Variants in TBL1X observed in about 807,000 individuals in gnomAD.
TBL1X encodes transducin beta like 1 X-linked.
TBL1X carries 10 observed loss-of-function variants against 50.7 expected under a neutral mutation model. The ratio of observed to expected loss-of-function variants is 0.20; its 90% CI spans 0.12 to 0.33. The LOEUF (loss-of-function observed/expected upper bound fraction) is 0.33, where lower values mean the gene tolerates loss of function less well. TBL1X is among the 10% of genes least tolerant of loss of function. The pLI, the probability that TBL1X is intolerant of heterozygous loss-of-function variation, is 1.00. For missense variants in TBL1X, 340 were observed against 504.4 expected (o/e 0.67, Z 3.12); for synonymous variants, 190 against 214.7 (o/e 0.88, Z 1.01).
At chrX:9,657,774 C>T (rs1383554635) in intron 5 of TBL1X, among the ~76,000 whole-genome samples, 1 of 112,532 alleles carries the variant, frequency 8.9e-6, no homozygotes, top group Non-Finnish European at 1.9e-5. Context: ...AGACTCATGG[C>T]AGTCTGAAAG....
chrX:9,609,708 C>T (rs1488485110), intron 2 of TBL1X, among the ~76,000 whole-genome samples: 5 of 110,565 alleles, frequency 4.5e-5, no homozygotes, highest in African/African-American at 1.3e-4. Context: ...TGAGGAGGGA[C>T]GGGGGTAAGT....
intron 2 of TBL1X, among the ~76,000 whole-genome samples, chrX:9,532,761 C>G (rs947068181): frequency 9.0e-6 from 1 of 111,243 alleles, no homozygotes; most frequent in African/African-American, 3.3e-5. Flanking sequence ...TGTCTGTGTC[C>G]CCTCATCTCT....
At chrX:9,711,171 G>A (rs182440854) in intron 15 of TBL1X, among the ~76,000 whole-genome samples, 72 of 108,682 alleles carry the variant, frequency 6.6e-4, no homozygotes, top group African/African-American at 2.1e-3. Context: ...GTGAAACCCC[G>A]TCTCTACAAA....
At chrX:9,464,241 T>C (rs1664027285), upstream of TBL1X, among the ~76,000 whole-genome samples, 2 of 110,622 alleles carry the variant, frequency 1.8e-5, no homozygotes, top group Admixed American at 1.9e-4. Flanking sequence ...CATTGCAACA[T>C]AAAGCACTTT....
chrX:9,555,436 A>G (rs2082292121), intron 2 of TBL1X, among the ~76,000 whole-genome samples: 1 of 111,450 alleles, frequency 9.0e-6, no homozygotes, highest in African/African-American at 3.3e-5. Context: ...TTTTAGATTG[A>G]TTCATCAGTT....
intron 2 of TBL1X, among the ~76,000 whole-genome samples, chrX:9,626,455 C>G (rs919713205): frequency 8.9e-6 from 1 of 112,326 alleles, no homozygotes; most frequent in African/African-American, 3.2e-5. Flanking sequence ...GGCTGACACT[C>G]CATGCAGTGT....
chrX:9,578,570 C>T (rs978481761), intron 2 of TBL1X, among the ~76,000 whole-genome samples: 3 of 111,703 alleles, frequency 2.7e-5, no homozygotes, highest in Non-Finnish European at 5.6e-5. Flanking sequence ...CTGTCGACGG[C>T]GCTAAGTAGA....
intron 3 of TBL1X, among the ~76,000 whole-genome samples, chrX:9,647,665 G>C (rs750702939): frequency 8.9e-5 from 10 of 112,107 alleles, no homozygotes; most frequent in Non-Finnish European, 1.7e-4. Flanking sequence ...CGGGAAACCG[G>C]TTAGGTGTTA....
chrX:9,687,637 C>T (rs1048892644), intron 6 of TBL1X, among the ~76,000 whole-genome samples: 2 of 110,154 alleles, frequency 1.8e-5, no homozygotes, highest in African/African-American at 6.6e-5. Context: ...AAAAAAGTCT[C>T]CAGACGTTGC....
intron 2 of TBL1X, among the ~76,000 whole-genome samples, chrX:9,598,241 C>T (rs1230590094): frequency 9.0e-6 from 1 of 111,694 alleles, no homozygotes; most frequent in Non-Finnish European, 1.9e-5. Flanking sequence ...AGCCAATCAG[C>T]TTGTGGTACT....
intron 2 of TBL1X, among the ~76,000 whole-genome samples, chrX:9,555,249 T>A (rs2082290672): frequency 9.0e-6 from 1 of 110,541 alleles, no homozygotes; most frequent in Admixed American, 9.6e-5. Flanking sequence ...CTAATTTGTT[T>A]TTAGTTTTGT....
At chrX:9,647,219 AAAT>A (rs2082809659) in intron 3 of TBL1X, among the ~76,000 whole-genome samples, 1 of 111,756 alleles carries the variant, frequency 8.9e-6, no homozygotes, top group Admixed American at 9.5e-5. Flanking sequence ...AAAATACTAT[AAAT>A]AATCTCCCCT....
intron 2 of TBL1X, among the ~76,000 whole-genome samples, chrX:9,609,336 G>GGTGTGTGT (rs775969638): frequency 0.029 from 2,753 of 94,733 alleles, 44 homozygotes; most frequent in African/African-American, 0.058. Context: ...TTTTCTTCCA[G>GGTGTGTGT]GTGTGTGTGT....
chrX:9,638,470 A>G (rs935830537), intron 2 of TBL1X, among the ~76,000 whole-genome samples: 3 of 112,277 alleles, frequency 2.7e-5, no homozygotes, highest in Non-Finnish European at 3.8e-5. Context: ...GACATGTTTC[A>G]TAACCAGAAG....
chrX:9,666,345 G>A lies in TBL1X; in HGVS notation c.211+12023G>A, dbSNP rs754465099. Among the ~76,000 whole-genome samples the A allele has an allele frequency of 7.2e-5, 8 of 111,013 alleles. No individual in the cohort carries two copies. The Admixed American group carries it at 7.7e-4, about 11-fold the overall frequency. On this transcript the variant is annotated intron_variant, in intron 5 of 17. Coordinates refer to ENST00000645353, the MANE Select transcript of TBL1X (RefSeq NM_005647.4). ...TCATATAACTACCGGATCCCCTTCT[G>A]TCTGTGTATTTATATGTGTTGTGTG... is the stretch of plus-strand genomic sequence containing the variant.
At chrX:9,532,194 A>G (rs2146974023) in intron 2 of TBL1X, among the ~76,000 whole-genome samples, 1 of 111,684 alleles carries the variant, frequency 9.0e-6, no homozygotes, top group Admixed American at 9.5e-5. Flanking sequence ...ATCTCTGTCC[A>G]AGCCTGCACT....
chrX:9,611,898 G>A, intron 2 of TBL1X, among the ~76,000 whole-genome samples: 1 of 112,331 alleles, frequency 8.9e-6, no homozygotes, highest in Middle Eastern at 4.6e-3. Context: ...GGGGAGCCCT[G>A]TGAGTTTGTA....
intron 2 of TBL1X, among the ~76,000 whole-genome samples, chrX:9,631,566 A>G (rs1261599173): frequency 1.8e-5 from 2 of 112,088 alleles, no homozygotes; most frequent in Admixed American, 9.4e-5. Flanking sequence ...ATCACAATCT[A>G]TGTTTGAAAG....
At chrX:9,690,856 G>A (rs998971741) in intron 7 of TBL1X, among the ~76,000 whole-genome samples, 7 of 111,279 alleles carry the variant, frequency 6.3e-5, no homozygotes, top group Non-Finnish European at 5.6e-5. Flanking sequence ...AGCCTCCTGA[G>A]TAGCTGGGAC....
Sources: gnomAD v4.1 joint callset for allele counts (sites outside exome capture counted in the v4.1 genomes callset) on GRCh38, gnomAD v4.1.1 for gene constraint, MANE v1.5 for transcripts, NCBI Gene and HGNC (gene_info 2026-07-23, HGNC 2026-07-21) for gene names.